LRP5: variants seen among roughly 807,000 people sequenced by gnomAD.
The protein encoded by LRP5 is LDL receptor related protein 5.
A neutral mutation model predicts 154.1 loss-of-function variants in LRP5; 62 were observed. The ratio of observed to expected loss-of-function variants is 0.40; its 90% CI spans 0.33 to 0.50. LRP5 has a LOEUF of 0.50. Ranked by LOEUF, LRP5 falls within the 20% of genes least tolerant of loss-of-function variation. LRP5 has a pLI of 0.55. For missense variants in LRP5, 1,915 were observed against 2,336.7 expected, an observed-to-expected ratio of 0.82 and a Z score of 3.72; for synonymous variants, 966 against 1,011.5, an observed-to-expected ratio of 0.96 and a Z score of 0.85.
intron 1 of LRP5, among the ~76,000 whole-genome samples, chr11:68,338,325 A>C (rs920789412): frequency 3.3e-5 from 5 of 152,366 alleles, no homozygotes; most frequent in African/African-American, 1.2e-4. Context: ...AACCATGTAA[A>C]TAAACAGTGT....
At chr11:68,344,799 A>G (rs2098611373) in intron 1 of LRP5, among the ~76,000 whole-genome samples, 1 of 149,314 alleles carries the variant, frequency 6.7e-6, no homozygotes, top group African/African-American at 2.5e-5. Context: ...TTCACTTAGC[A>G]TAACATTCTT....
chr11:68,349,448 C>G (rs975536053), intron 2 of LRP5, among the ~76,000 whole-genome samples: 3 of 152,152 alleles, frequency 2.0e-5, no homozygotes, highest in African/African-American at 7.2e-5. Context: ...CTGGGAAGTG[C>G]GGACGCTCAG....
chr11:68,366,115 G>A (rs368109746), intron 5 of LRP5, among the ~76,000 whole-genome samples: 15 of 152,222 alleles, frequency 9.9e-5, no homozygotes, highest in Middle Eastern at 3.4e-3. Flanking sequence ...GCTCGCCTTC[G>A]GGGATGCTCC....
In LRP5 at chr11:68,409,901, C is replaced by A; in HGVS notation, c.2092-13C>A. The A allele has an allele frequency of 1.2e-6, 2 of 1,603,718 alleles. No individual in the cohort carries two copies. The highest frequency in any genetic ancestry group is 1.1e-5 in the South Asian group (1 of 90,874). On this transcript the variant is annotated splice_polypyrimidine_tract_variant and intron_variant, in intron 9 of 22. Transcript: ENST00000294304. ...CCTAAAATGTGGCCCTTTTCCTCCTCACCTGCTGCCAGACCATCAGCCGCG... is the reference window on the plus strand; with the variant it reads ...CCTAAAATGTGGCCCTTTTCCTCCTAACCTGCTGCCAGACCATCAGCCGCG...
intron 1 of LRP5, among the ~76,000 whole-genome samples, chr11:68,335,960 TATAA>T (rs1213580974): frequency 2.6e-5 from 4 of 152,150 alleles, no homozygotes; most frequent in Non-Finnish European, 5.9e-5. Context: ...ATTTGGGGGA[TATAA>T]ATAAATGTTA....
At position 68,338,270 on chromosome 11, in the gene LRP5, A is replaced by G. The variant is rs574900967; in HGVS notation, c.92-9577A>G. Among the ~76,000 whole-genome samples, 14 of 152,362 alleles carry G rather than the reference A, an allele frequency of 9.2e-5. No homozygotes were observed. The South Asian group carries it at 2.9e-3, about 32-fold the overall frequency. On this transcript the variant is annotated intron_variant, in intron 1 of 22. Transcript: ENST00000294304. ...CTGAAAATGTTGCTTATTTTGGTAT[A>G]GTAGCAAAGGATTGGGTTACCTTGA...
rs2098668041 is a variant in LRP5 at position 68,425,231 on chromosome 11, A to C, written c.3366A>C (p.Thr1122=). The C allele has an allele frequency of 1.2e-6, 2 of 1,611,808 alleles. No homozygotes were observed. Among genetic ancestry groups the C allele is most frequent in the Non-Finnish European group, 1.7e-6 (2 of 1,179,834 alleles). Residue 1122 remains threonine, a synonymous_variant, in exon 15 of 23, where the codon ACA becomes ACC. Transcript: ENST00000294304. ...CTGTGGCCCTGGTGGTGGACAACAC[A>C]CTGGGCAAGCTGTTCTGGGTGGACG... ...IRPVALVVDN[T]LGKLFWVDAD...
At chr11:68,344,294 A>G (rs982730000) in intron 1 of LRP5, among the ~76,000 whole-genome samples, 1 of 152,098 alleles carries the variant, frequency 6.6e-6, no homozygotes, top group Non-Finnish European at 1.5e-5. Context: ...CAGTTATAAC[A>G]TCCCATTTTT....
At chr11:68,332,745 G>C (rs2098603597) in intron 1 of LRP5, among the ~76,000 whole-genome samples, 1 of 152,190 alleles carries the variant, frequency 6.6e-6, no homozygotes. Flanking sequence ...GCCAGGCTGT[G>C]GGGTAGATGG....
chr11:68,386,258 T>TAGACTTGTGCCTGCTGCAGGCCC lies in LRP5; in HGVS notation c.1016-57_1016-35dup. 6.2e-7 allele frequency: 1 copy of TAGACTTGTGCCTGCTGCAGGCCC among 1,601,180 alleles called. No homozygotes were observed. The highest frequency in any genetic ancestry group is 1.1e-5 in the South Asian group (1 of 90,960). On this transcript the variant is annotated intron_variant, in intron 5 of 22. Transcript: ENST00000294304. The surrounding 1 kb of genome is among the most constrained non-coding windows in gnomAD (Gnocchi z 7.9). ...TCCCTTGCCCGGCCCACCCCAGGCC[T>TAGACTTGTGCCTGCTGCAGGCCC]AGACTTGTGCCTGCTGCAGGCCCTT...
At chr11:68,308,260 G>A (rs1279481672), upstream of LRP5, among the ~76,000 whole-genome samples, 1 of 152,210 alleles carries the variant, frequency 6.6e-6, no homozygotes, top group Non-Finnish European at 1.5e-5. Flanking sequence ...CGGGTTGGGG[G>A]GGGCTCTTGT....
rs551328787 is a variant in LRP5 at position 68,424,438 on chromosome 11, G to A, written c.3237-664G>A. On this transcript the variant is annotated intron_variant, in intron 14 of 22. Transcript: ENST00000294304. ...GTAGGAGTGACGGCCACAGTGGTGC[G>A]GCCTCTGCAGCACACGGGGGGCTCG... 5.8e-4 allele frequency among the ~76,000 whole-genome samples: 89 copies of A among 152,242 alleles called. 1 individual carries two copies. The highest frequency in any genetic ancestry group is 1.0e-3 in the South Asian group (5 of 4,810).
Position 68,386,476 on chromosome 11 carries a change from C to T in LRP5, c.1176C>T (p.Asp392=), listed in dbSNP as rs202236798. 9.2e-5 allele frequency: 149 copies of T among 1,614,092 alleles called. No homozygotes were observed. Among genetic ancestry groups the T allele is most frequent in the African/African-American group, 3.1e-4 (23 of 75,062 alleles). ...PLEGYVYWTD[D]EVRAIRRAYL... ...AGGGCTATGTCTACTGGACAGATGA[C>T]GAGGTGCGGGCCATCCGCAGGGCGT... The change falls in exon 6 of 23, where the codon GAC becomes GAT. Residue 392 remains aspartate (D), a synonymous_variant. Coordinates refer to ENST00000294304, the MANE Select transcript of LRP5 (RefSeq NM_002335.4). The surrounding 1 kb of genome is among the most constrained non-coding windows in gnomAD (Gnocchi z 7.9).
chr11:68,372,337 T>TGTG (rs2098634523), intron 5 of LRP5, among the ~76,000 whole-genome samples: 1 of 52,054 alleles, frequency 1.9e-5, no homozygotes, highest in Non-Finnish European at 3.5e-5. Flanking sequence ...GACCCGGGAC[T>TGTG]GTGGTGGTGG....
intron 5 of LRP5, among the ~76,000 whole-genome samples, chr11:68,385,693 C>T (rs1261360028): frequency 7.2e-5 from 11 of 152,194 alleles, no homozygotes; most frequent in East Asian, 1.9e-4. Context: ...CCCTTCATCT[C>T]GGTGGCCTGG....
intron 1 of LRP5, among the ~76,000 whole-genome samples, chr11:68,337,641 A>G (rs189156719): frequency 1.6e-4 from 24 of 151,602 alleles, no homozygotes; most frequent in Admixed American, 1.4e-3. Context: ...TCCTCTGTCT[A>G]GGAAGCCTGC....
chr11:68,442,953 C>T (rs75202638), intron 21 of LRP5, among the ~76,000 whole-genome samples: 22,082 of 152,050 alleles, frequency 0.15, 1,751 homozygotes, highest in East Asian at 0.21. Context: ...CCTTGTCAGG[C>T]GTGGCTGGGC....
chr11:68,367,491 C>T (rs562296650), intron 5 of LRP5, among the ~76,000 whole-genome samples: 6 of 152,352 alleles, frequency 3.9e-5, no homozygotes, highest in African/African-American at 7.2e-5. Context: ...GGGGGTGCCT[C>T]GGCTGCACAA....
chr11:68,310,232 A>T (rs1181789909), upstream of LRP5, among the ~76,000 whole-genome samples: 1 of 152,148 alleles, frequency 6.6e-6, no homozygotes, highest in African/African-American at 2.4e-5. Context: ...CTGACTGAGG[A>T]GCTGAAGAGG....
Sources: allele counts gnomAD v4.1 joint callset (sites outside exome capture counted in the v4.1 genomes callset), GRCh38; gene constraint gnomAD v4.1.1; non-coding constraint Gnocchi (gnomAD v3.1); transcripts MANE v1.5; gene names NCBI Gene and HGNC (gene_info 2026-07-23, HGNC 2026-07-21).